Variants in ABCC5 observed in about 807,000 individuals in gnomAD.
ABCC5 encodes the protein ATP-binding cassette sub-family C member 5.
Under a neutral mutation model 160.9 loss-of-function variants are expected in ABCC5, and 61 were observed. That is an observed-to-expected ratio of 0.38 (90% confidence interval 0.31 to 0.47). The LOEUF (loss-of-function observed/expected upper bound fraction) is 0.47, where lower values mean the gene tolerates loss of function less well. Among genes scored for constraint, ABCC5 ranks in the 20% least tolerant of loss-of-function variants. The pLI is 0.99. For missense variants in ABCC5, 1,308 were observed against 1,813.3 expected, an observed-to-expected ratio of 0.72 and a Z score of 5.06; for synonymous variants, 666 against 700.6, an observed-to-expected ratio of 0.95 and a Z score of 0.78.
rs1239386693 is a variant in ABCC5, at chr3:183,949,516, C to G, written c.3227+237G>C. ...GCCTCAGCCTCCTGAGTAGCTGTGA[C>G]TATAGGCACGTGATGCCGCATGCGG... On this transcript the variant is annotated intron_variant, in intron 22 of 29. Transcript: ENST00000334444. This position sits in a 1 kb window ranked among gnomAD's most constrained non-coding sequence, Gnocchi z 4.2. Among the ~76,000 whole-genome samples, 1 of 152,266 alleles carries G rather than the reference C, an allele frequency of 6.6e-6. No homozygotes were observed. The highest frequency in any genetic ancestry group is 1.5e-5 in the Non-Finnish European group (1 of 68,048).
At chr3:183,926,723 T>C (rs534418992) in intron 28 of ABCC5, among the ~76,000 whole-genome samples, 7 of 152,176 alleles carry the variant, frequency 4.6e-5, no homozygotes, top group South Asian at 2.1e-4. Context: ...AGGGGCTGGA[T>C]TGGATGACCT....
chr3:184,010,798 CTT>C (rs55882083), intron 2 of ABCC5, among the ~76,000 whole-genome samples: 13 of 136,602 alleles, frequency 9.5e-5, no homozygotes, highest in Non-Finnish European at 7.8e-5. Flanking sequence ...CATTCTTCTT[CTT>C]TTTTTTTTTT....
intron 11 of ABCC5, 114 bp from the exon 12 acceptor site, chr3:183,967,880 A>C (rs1717372873): frequency 1.2e-6 from 1 of 848,146 alleles, no homozygotes; most frequent in Non-Finnish European, 2.0e-6. Context: ...TGTCACCCTG[A>C]TGACTCAGCA....
At chr3:184,009,237 G>A (rs1431430571) in intron 2 of ABCC5, among the ~76,000 whole-genome samples, 1 of 152,120 alleles carries the variant, frequency 6.6e-6, no homozygotes, top group Non-Finnish European at 1.5e-5. Context: ...TTCCACATAA[G>A]AGCCATAGAT....
At position 183,981,787 on chromosome 3, in the gene ABCC5, T is replaced by C. The variant is rs1270549036; in HGVS notation, c.1087A>G (p.Thr363Ala). The change falls in exon 8 of 30, where the codon ACT becomes GCT. Residue 363 changes from threonine to alanine, a missense_variant. Transcript: ENST00000334444. Reference sequence around the variant, plus strand: ...TACATTTTGATAAATTTAATGTAAGTAAGAACTTCATTCATCTTCTGGACA... The same window carrying C: ...TACATTTTGATAAATTTAATGTAAGCAAGAACTTCATTCATCTTCTGGACA... Reference protein sequence around the residue: ...ERVQKMNEVLTYIKFIKMYAW... With the variant: ...ERVQKMNEVLAYIKFIKMYAW... 2 of 1,611,274 alleles carry C rather than the reference T, an allele frequency of 1.2e-6. No homozygotes were observed. The highest frequency in any genetic ancestry group is 1.7e-5 in the Admixed American group (1 of 59,378).
chr3:183,988,746 A>T lies in ABCC5; in HGVS notation c.288-19T>A. 1 of 1,610,698 alleles carries T rather than the reference A, an allele frequency of 6.2e-7. No individual in the cohort carries two copies. Among genetic ancestry groups the T allele is most frequent in the Non-Finnish European group, 8.5e-7 (1 of 1,178,870 alleles). On this transcript the variant is annotated intron_variant, in intron 3 of 29. Transcript: ENST00000334444. This position sits in a 1 kb window ranked among gnomAD's most constrained non-coding sequence, Gnocchi z 4.4. ...CTGGTGTCTAAGGAGAGAAAACCGA[A>T]ATCACAAAGCTATCAACACGCACGG...
At chr3:183,942,273 A>T (rs1714436665) in intron 25 of ABCC5, among the ~76,000 whole-genome samples, 1 of 152,160 alleles carries the variant, frequency 6.6e-6, no homozygotes, top group South Asian at 2.1e-4. Context: ...TCCTCAGGTG[A>T]TCCACCCGCC....
At position 183,963,332 on chromosome 3, in the gene ABCC5, T is replaced by A; in HGVS notation, c.2235+53A>T. 1 of 1,586,208 alleles carries A rather than the reference T, an allele frequency of 6.3e-7. No homozygotes were observed. Among genetic ancestry groups the A allele is most frequent in the South Asian group, 1.1e-5 (1 of 90,412 alleles). On this transcript the variant is annotated intron_variant, in intron 15 of 29. Transcript: ENST00000334444. The surrounding 1 kb of genome is among the most constrained non-coding windows in gnomAD (Gnocchi z 4.6). ...GATACCTGGAGCAAACCTACCTCCC[T>A]GTTTCTGATTTCCCAAACTCAGGCA...
chr3:183,999,853 AC>A (rs886574668), intron 2 of ABCC5, among the ~76,000 whole-genome samples: 2 of 152,232 alleles, frequency 1.3e-5, no homozygotes, highest in South Asian at 2.1e-4. Context: ...TTCATATCAT[AC>A]ATTAATCCAT....
chr3:183,990,362 C>T (rs1156767356), intron 2 of ABCC5, among the ~76,000 whole-genome samples: 1 of 152,212 alleles, frequency 6.6e-6, no homozygotes, highest in Non-Finnish European at 1.5e-5. Context: ...ACCTCAGCCT[C>T]CCAAAGTGTT....
chr3:183,996,602 G>C (rs935258810), intron 2 of ABCC5, among the ~76,000 whole-genome samples: 1 of 152,120 alleles, frequency 6.6e-6, no homozygotes, highest in Admixed American at 6.6e-5. Flanking sequence ...CAGGTTTCTC[G>C]TGAGTACTGC....
intron 5 of ABCC5, chr3:183,985,309 C>T (rs1719108705): frequency 6.2e-7 from 1 of 1,613,724 alleles, no homozygotes; most frequent in African/African-American, 1.3e-5. Context: ...CTTACCTGAA[C>T]TCTTGGCGAG....
intron 17 of ABCC5, among the ~76,000 whole-genome samples, chr3:183,956,470 C>A (rs1284814762): frequency 6.6e-6 from 1 of 150,574 alleles, no homozygotes; most frequent in Non-Finnish European, 1.5e-5. Flanking sequence ...ACATGCGGAT[C>A]CGTGTGTATA....
rs545085611 is a variant in ABCC5 at position 183,921,232 on chromosome 3, T to G, written c.*68A>C. On this transcript the variant is annotated 3_prime_UTR_variant, in exon 30 of 30. Coordinates refer to ENST00000334444, the MANE Select transcript of ABCC5 (RefSeq NM_005688.4). The surrounding 1 kb of genome is among the most constrained non-coding windows in gnomAD (Gnocchi z 4.1). ...GCAAGGTTTCGGTAGGAGGACGCGA[T>G]GAGGGGCCCGCCCCAGGCAGGGAAT... 3.4e-6 allele frequency: 3 copies of G among 881,258 alleles called. No individual in the cohort carries two copies. In the East Asian group the frequency reaches 8.0e-5, roughly 23 times the overall value. 54.6% of individuals were successfully genotyped at this position (881,258 alleles called of 1,614,324 possible).
At chr3:183,934,242 G>A (rs1304143821) in intron 26 of ABCC5, among the ~76,000 whole-genome samples, 3 of 152,180 alleles carry the variant, frequency 2.0e-5, no homozygotes, top group African/African-American at 7.2e-5. Context: ...GGAGGCAGAG[G>A]TTGCAGTGAG....
intron 5 of ABCC5, chr3:183,984,165 A>G (rs116050122): frequency 2.6e-4 from 260 of 985,496 alleles, no homozygotes; most frequent in Middle Eastern, 1.0e-3. Context: ...CTACTGGTGC[A>G]CTAAGTTGTG....
chr3:183,951,661 A>G lies in ABCC5; in HGVS notation c.2815-91T>C. On this transcript the variant is annotated intron_variant, in intron 19 of 29. Coordinates refer to ENST00000334444, the MANE Select transcript of ABCC5 (RefSeq NM_005688.4). The surrounding 1 kb of genome is among the most constrained non-coding windows in gnomAD (Gnocchi z 4.7). ...CGCTCCGCAGCACATCCACTCCCAA[A>G]GCGGGGAGGTGTGAGGGGTCAGGAG... 6.5e-7 allele frequency: 1 copy of G among 1,546,466 alleles called. No individual in the cohort carries two copies. Among genetic ancestry groups the G allele is most frequent in the Non-Finnish European group, 8.7e-7 (1 of 1,143,886 alleles).
In ABCC5 at chr3:184,017,360, C is replaced by T. The variant is rs1466042959; in HGVS notation, c.-56+470G>A. ...GAAGGGGATGACTTACTTCGAAGGT[C>T]GCTGGCGGCTCCGCTGCGGGTTGAG... On this transcript the variant is annotated intron_variant, in intron 1 of 29. Coordinates refer to ENST00000334444, the MANE Select transcript of ABCC5 (RefSeq NM_005688.4). The surrounding 1 kb of genome is among the most constrained non-coding windows in gnomAD (Gnocchi z 4.5). 6.6e-6 allele frequency: 1 copy of T among 152,232 alleles called. No individual in the cohort carries two copies. Among genetic ancestry groups the T allele is most frequent in the Non-Finnish European group, 1.5e-5 (1 of 68,064 alleles). The allele number at this position is 152,232 out of a possible 1,614,324, so 9.4% of individuals were successfully genotyped here.
At chr3:183,922,082 A>AACT (rs1560461692) in intron 29 of ABCC5, among the ~76,000 whole-genome samples, 6 of 143,638 alleles carry the variant, frequency 4.2e-5, no homozygotes, top group African/African-American at 1.0e-4. Flanking sequence ...AATAAATAAA[A>AACT]AACAACAGGC....
Sources: gnomAD v4.1 joint callset for allele counts (sites outside exome capture counted in the v4.1 genomes callset) on GRCh38, gnomAD v4.1.1 for gene constraint, Gnocchi (gnomAD v3.1) non-coding constraint, MANE v1.5 for transcripts, NCBI Gene and HGNC (gene_info 2026-07-23, HGNC 2026-07-21) for gene names.